The following NRG4 variants were observed in gnomAD, a reference collection of about 807,000 sequenced individuals.
NRG4 encodes neuregulin 4, also known as pro-neuregulin-4, membrane-bound isoform.
In NRG4, 10 loss-of-function variants were observed where a neutral mutation model predicts 15.0. The ratio of observed to expected loss-of-function variants is 0.67; its 90% CI spans 0.41 to 1.13. The LOEUF (loss-of-function observed/expected upper bound fraction) is 1.13, where lower values mean the gene tolerates loss of function less well. NRG4 is among the 50% of genes most tolerant of loss of function. The probability of loss-of-function intolerance (pLI) is 0.00; values close to 1 mark genes in which losing one functional copy is unlikely to be tolerated. For missense variants in NRG4, 139 were observed against 140.2 expected (o/e 0.99, Z 0.04); for synonymous variants, 41 against 50.1 (o/e 0.82, Z 0.77).
At chr15:76,020,478 T>C (rs186476719) in intron 5 of NRG4, among the ~76,000 whole-genome samples, 2 of 152,274 alleles carry the variant, frequency 1.3e-5, no homozygotes, top group East Asian at 3.9e-4. Context: ...GGATAGAAGG[T>C]CAAACCAGCC....
chr15:76,048,587 T>C lies in NRG4; in HGVS notation c.-105+3480A>G, dbSNP rs569348171. ...TGCTGCCAGAAATAGTCTTGAATTA[T>C]GCATGTCTCTACAAAGTGCTATAGC... On this transcript the variant is annotated intron_variant, in intron 4 of 8. Coordinates refer to the NRG4 transcript ENST00000563910. Among the ~76,000 whole-genome samples, 58 of 150,962 alleles carry C rather than the reference T, an allele frequency of 3.8e-4. 2 individuals carry two copies. Among genetic ancestry groups the C allele is most frequent in the Non-Finnish European group, 3.8e-4 (26 of 67,902 alleles).
At chr15:76,010,170 T>G (rs1481162503) in intron 2 of NRG4, among the ~76,000 whole-genome samples, 1 of 152,076 alleles carries the variant, frequency 6.6e-6, no homozygotes, top group Admixed American at 6.6e-5. Context: ...AACAGAAGGA[T>G]TCATTGAGTC....
chr15:75,964,151 A>G (rs1272924566), intron 3 of NRG4, among the ~76,000 whole-genome samples: 7 of 152,140 alleles, frequency 4.6e-5, no homozygotes, highest in Non-Finnish European at 7.3e-5. Flanking sequence ...AAACACACAT[A>G]AACACACACA....
At chr15:75,974,051 T>G (rs2033242930) in intron 3 of NRG4, among the ~76,000 whole-genome samples, 1 of 152,188 alleles carries the variant, frequency 6.6e-6, no homozygotes, top group South Asian at 2.1e-4. Context: ...CAGAACTTGT[T>G]ATTGGTCTAT....
chr15:76,051,605 C>T (rs570212325), intron 4 of NRG4, among the ~76,000 whole-genome samples: 1 of 148,958 alleles, frequency 6.7e-6, no homozygotes, highest in Non-Finnish European at 1.5e-5. Flanking sequence ...GCTCTGTCGC[C>T]CAGGCTGGAG....
chr15:75,993,366 C>A (rs1396824188), intron 3 of NRG4, among the ~76,000 whole-genome samples: 11 of 113,360 alleles, frequency 9.7e-5, no homozygotes, highest in African/African-American at 3.7e-4. Context: ...CATTTAACAT[C>A]ATTTGACAAG....
At chr15:76,048,307 A>G (rs770816034) in intron 4 of NRG4, among the ~76,000 whole-genome samples, 1 of 150,358 alleles carries the variant, frequency 6.7e-6, no homozygotes, top group Non-Finnish European at 1.5e-5. Flanking sequence ...CCCCATCTCT[A>G]CTAAAAACAT....
chr15:75,971,583 T>A (rs2033093736), intron 3 of NRG4, among the ~76,000 whole-genome samples: 1 of 152,138 alleles, frequency 6.6e-6, no homozygotes, highest in Non-Finnish European at 1.5e-5. Context: ...TAATATCCTA[T>A]CTATAGAGGA....
At chr15:75,949,747 A>AT (rs1194858711) in intron 5 of NRG4, among the ~76,000 whole-genome samples, 2 of 151,898 alleles carry the variant, frequency 1.3e-5, no homozygotes, top group South Asian at 2.1e-4. Flanking sequence ...CCCATTTTGA[A>AT]TTTTTTTTGT....
intron 5 of NRG4, among the ~76,000 whole-genome samples, chr15:76,035,227 C>G (rs1036151132): frequency 2.6e-5 from 4 of 152,266 alleles, no homozygotes; most frequent in Admixed American, 6.5e-5. Context: ...TACAAGATGC[C>G]TGCTATAGCT....
chr15:75,999,675 A>G (rs930435174), intron 3 of NRG4, among the ~76,000 whole-genome samples: 8 of 152,212 alleles, frequency 5.3e-5, no homozygotes, highest in African/African-American at 9.7e-5. Context: ...ACAGCAGCAG[A>G]AACAGACTAA....
chr15:75,980,822 T>G (rs2033575598), intron 3 of NRG4, among the ~76,000 whole-genome samples: 1 of 151,014 alleles, frequency 6.6e-6, no homozygotes, highest in Admixed American at 6.6e-5. Context: ...TAACATTCAT[T>G]AGCTCTGTAA....
intron 3 of NRG4, among the ~76,000 whole-genome samples, chr15:75,998,526 G>A (rs1159261268): frequency 6.6e-6 from 1 of 152,154 alleles, no homozygotes; most frequent in Non-Finnish European, 1.5e-5. Flanking sequence ...GGCTAATTTG[G>A]CTGCAGTAGA....
chr15:75,957,701 T>C (rs1299646165), intron 4 of NRG4, among the ~76,000 whole-genome samples: 1 of 152,178 alleles, frequency 6.6e-6, no homozygotes, highest in Non-Finnish European at 1.5e-5. Context: ...CCCCAGTCTT[T>C]TTCTTCTGGA....
At chr15:75,967,540 C>A (rs2032867863) in intron 3 of NRG4, among the ~76,000 whole-genome samples, 2 of 140,484 alleles carry the variant, frequency 1.4e-5, no homozygotes, top group Admixed American at 1.5e-4. Flanking sequence ...CAGCTCACTG[C>A]AACCTCTGCC....
chr15:75,952,690 G>A (rs893884094), intron 5 of NRG4, among the ~76,000 whole-genome samples: 5 of 151,396 alleles, frequency 3.3e-5, no homozygotes, highest in Non-Finnish European at 7.4e-5. Context: ...CCCAATAGCT[G>A]GGACTACAGA....
rs534634423 is a variant in NRG4 at position 76,005,527 on chromosome 15, A to C, written c.104+3673T>G. On this transcript the variant is annotated intron_variant, in intron 3 of 5. Coordinates refer to ENST00000394907, the MANE Select transcript of NRG4 (RefSeq NM_138573.4). ...ATGGCGAAACCCCGCCTGTACTAAA[A>C]ACACAAAATTTAGCTGGGTGTCGTG... Among the ~76,000 whole-genome samples, 11 of 151,920 alleles carry C rather than the reference A, an allele frequency of 7.2e-5. No individual in the cohort carries two copies. In the South Asian group the frequency reaches 2.3e-3, roughly 32 times the overall value.
chr15:75,967,762 G>A (rs866150396), intron 3 of NRG4, among the ~76,000 whole-genome samples: 4 of 151,822 alleles, frequency 2.6e-5, no homozygotes, highest in Non-Finnish European at 5.9e-5. Context: ...GTGCCTGGCC[G>A]CAAAATCTGA....
intron 2 of NRG4, among the ~76,000 whole-genome samples, chr15:76,010,552 G>A (rs142498492): frequency 0.013 from 2,011 of 152,086 alleles, 18 homozygotes; most frequent in Non-Finnish European, 0.023. Flanking sequence ...AGCCCTAAGA[G>A]TATAAAAATG....
Sources: allele counts gnomAD v4.1 joint callset (sites outside exome capture counted in the v4.1 genomes callset), GRCh38; gene constraint gnomAD v4.1.1; transcripts MANE v1.5; gene names NCBI Gene and HGNC (gene_info 2026-07-23, HGNC 2026-07-21).